Variants in FAM135A observed in about 807,000 individuals in gnomAD.
The protein encoded by FAM135A is protein FAM135A.
In FAM135A, 79 loss-of-function variants were observed where a neutral mutation model predicts 146.8. The ratio of observed to expected loss-of-function variants is 0.54; its 90% CI spans 0.45 to 0.65. The LOEUF is 0.65. Ranked by LOEUF, FAM135A falls within the 30% of genes least tolerant of loss-of-function variation. The pLI, the probability that FAM135A is intolerant of heterozygous loss-of-function variation, is 0.00. For synonymous variants in FAM135A, 562 were observed against 603.6 expected (o/e 0.93, Z 1.01); for missense variants, 1,623 against 1,758.2 (o/e 0.92, Z 1.38).
At chr6:70,531,888 C>CT (rs869128532) in intron 16 of FAM135A, among the ~76,000 whole-genome samples, 4,077 of 85,694 alleles carry the variant, frequency 0.048, 212 homozygotes, top group Non-Finnish European at 0.062. Flanking sequence ...AAACTGATTT[C>CT]TTTTTTTTTT....
intron 11 of FAM135A, among the ~76,000 whole-genome samples, chr6:70,501,405 G>A (rs1788486143): frequency 6.6e-6 from 1 of 152,192 alleles, no homozygotes. Flanking sequence ...AGAATTTCAA[G>A]CCAGTGATTC....
At chr6:70,527,879 T>C (rs1196180429) in intron 15 of FAM135A, among the ~76,000 whole-genome samples, 1 of 152,150 alleles carries the variant, frequency 6.6e-6, no homozygotes, top group Non-Finnish European at 1.5e-5. Flanking sequence ...ACTCCTTCCC[T>C]TCCATTTATG....
chr6:70,501,374 C>T (rs1788474460), intron 11 of FAM135A, among the ~76,000 whole-genome samples: 1 of 152,240 alleles, frequency 6.6e-6, no homozygotes, highest in Admixed American at 6.5e-5. Flanking sequence ...CAGTCGGCTT[C>T]AGACTGCTGT....
At position 70,536,333 on chromosome 6, in the gene FAM135A, A is replaced by T. The variant is rs1447020629; in HGVS notation, c.4039A>T (p.Asn1347Tyr). Reference protein sequence around the residue: ...LTRPRFKYYLNKLHTFLSLSG... With the variant: ...LTRPRFKYYLYKLHTFLSLSG... ...AAGGCCAAGGTTTAAATATTACCTC[A>T]ACAAACTTCATACCTTTCTGTCTCT... Residue 1347 changes from asparagine (N) to tyrosine (Y), a missense_variant, in exon 19 of 22, where the codon AAC (asparagine) becomes TAC (tyrosine). This residue lies in a region of FAM135A where 1,061 missense variants were observed against 1,113.8 expected (regional missense o/e 0.95). Transcript: ENST00000418814. 8 of 1,613,506 alleles carry T rather than the reference A, an allele frequency of 5.0e-6. 1 individual carries two copies. In the South Asian group the frequency reaches 8.8e-5, roughly 18 times the overall value.
chr6:70,505,075 TA>T, intron 12 of FAM135A: 1 of 72 alleles, frequency 0.014, no homozygotes, highest in East Asian at 0.062. Context: ...TAGATACACA[TA>T]TATATATATA....
At chr6:70,445,453 C>A (rs1775493175) in intron 4 of FAM135A, among the ~76,000 whole-genome samples, 1 of 152,214 alleles carries the variant, frequency 6.6e-6, no homozygotes. Flanking sequence ...AATCAGGGAT[C>A]TCACAGCCTT....
At chr6:70,422,126 A>G (rs1485920446) in intron 2 of FAM135A, among the ~76,000 whole-genome samples, 2 of 152,190 alleles carry the variant, frequency 1.3e-5, no homozygotes, top group African/African-American at 4.8e-5. Flanking sequence ...TTTAGTTTTT[A>G]TAACTAGTTG....
chr6:70,421,530 A>G (rs1768853707), intron 2 of FAM135A, among the ~76,000 whole-genome samples: 1 of 152,136 alleles, frequency 6.6e-6, no homozygotes, highest in East Asian at 1.9e-4. Context: ...TGTTTACCCT[A>G]TCAGGTTTGA....
chr6:70,528,286 C>T lies in FAM135A; in HGVS notation c.3615-6C>T, dbSNP rs779297446. 1.9e-6 allele frequency: 3 copies of T among 1,601,090 alleles called. No homozygotes were observed. The highest frequency in any genetic ancestry group is 2.2e-5 in the East Asian group (1 of 44,660). The stretch of plus-strand genomic sequence containing the variant: ...AGTAAAGAGTATCTTTTGTATTTTG[C>T]TTCAGCTTCCTTCAGGCAAAAGAAG... On this transcript the variant is annotated splice_polypyrimidine_tract_variant and splice_region_variant and intron_variant, in intron 15 of 21. Transcript: ENST00000418814.
chr6:70,556,537 A>G (rs1053913944), intron 20 of FAM135A, among the ~76,000 whole-genome samples: 1 of 152,216 alleles, frequency 6.6e-6, no homozygotes, highest in African/African-American at 2.4e-5. Context: ...GCAAACACAC[A>G]TTCTTATATC....
At chr6:70,502,923 T>C (rs944590276) in intron 12 of FAM135A, 132 bp downstream of exon 12, 3 of 922,322 alleles carry the variant, frequency 3.3e-6, no homozygotes, top group East Asian at 2.6e-5. Flanking sequence ...CATATTGTTA[T>C]TGTTTGACTT....
At chr6:70,551,480 G>A (rs1247780493) in intron 20 of FAM135A, among the ~76,000 whole-genome samples, 3 of 152,052 alleles carry the variant, frequency 2.0e-5, no homozygotes, top group Non-Finnish European at 4.4e-5. Flanking sequence ...ATGTGCTGTC[G>A]CATACCTGTT....
intron 1 of FAM135A, chr6:70,414,027 C>T: frequency 4.1e-6 from 4 of 985,746 alleles, no homozygotes; most frequent in Non-Finnish European, 4.8e-6. Context: ...TGCCCTTCAC[C>T]CCTGCTCCAT....
chr6:70,452,788 A>G (rs575116874), intron 5 of FAM135A, among the ~76,000 whole-genome samples: 1 of 152,328 alleles, frequency 6.6e-6, no homozygotes, highest in Admixed American at 6.5e-5. Flanking sequence ...CAAAGAATGT[A>G]TATTAAAGTT....
intron 12 of FAM135A, among the ~76,000 whole-genome samples, chr6:70,510,160 T>G (rs1366895950): frequency 2.0e-5 from 3 of 151,524 alleles, no homozygotes; most frequent in Admixed American, 1.3e-4. Context: ...ATCAAAACGT[T>G]TATTGACAGC....
At chr6:70,534,273 T>G (rs1035411426) in intron 18 of FAM135A, among the ~76,000 whole-genome samples, 5 of 113,394 alleles carry the variant, frequency 4.4e-5, no homozygotes, top group African/African-American at 1.9e-4. Context: ...ATATGATATA[T>G]GTATATGAAG....
intron 5 of FAM135A, among the ~76,000 whole-genome samples, chr6:70,464,833 ATTTTTTTTTTTTTT>A (rs67408160): frequency 6.2e-5 from 4 of 64,322 alleles, no homozygotes; most frequent in African/African-American, 1.4e-4. Context: ...CGCCTGGCCA[ATTTTTTTTTTTTTT>A]TTTTTTTTTT....
rs1423616865 is a variant in FAM135A at position 70,526,748 on chromosome 6, TATACACACACACACACATACACAC to T, written c.3614+52_3614+75del. Reference sequence around the variant, plus strand: ...CTGCTGCTAAATATATACATATATATATACACACACACACACATACACACACACACACACACACACACACACACA... The same window carrying T: ...CTGCTGCTAAATATATACATATATATACACACACACACACACACACACACA... On this transcript the variant is annotated intron_variant, in intron 15 of 21. Coordinates refer to ENST00000418814, the MANE Select transcript of FAM135A (RefSeq NM_001162529.3). The T allele has an allele frequency of 1.6e-3, 1,802 of 1,093,162 alleles. 86 individuals carry two copies. The highest frequency in any genetic ancestry group is 3.9e-3 in the South Asian group (250 of 64,876). The allele number at this position is 1,093,162 out of a possible 1,614,324, so 67.7% of individuals were successfully genotyped here.
In FAM135A at chr6:70,525,363, C is replaced by A; in HGVS notation, c.2279C>A (p.Ala760Asp). The A allele has an allele frequency of 1.2e-6, 2 of 1,613,574 alleles. No homozygotes were observed. The highest frequency in any genetic ancestry group is 2.7e-5 in the African/African-American group (2 of 75,022). The change falls in exon 15 of 22, where the codon GCC becomes GAC. Residue 760 changes from alanine to aspartate, a missense_variant. Physicochemically the swap from Ala to Asp is moderately radical, Grantham distance 126 (BLOSUM62 -2). Coordinates refer to ENST00000418814, the MANE Select transcript of FAM135A (RefSeq NM_001162529.3). The part of the protein sequence containing the change: ...GDTIKLPDIS[A>D]TYASSRFSDS... Reference sequence around the variant, plus strand: ...ACAATTAAGTTACCAGATATTAGTGCCACATATGCCTCATCTAGATTTTCA... The same window carrying A: ...ACAATTAAGTTACCAGATATTAGTGACACATATGCCTCATCTAGATTTTCA...
Sources: allele counts gnomAD v4.1 joint callset (sites outside exome capture counted in the v4.1 genomes callset), GRCh38; gene constraint gnomAD v4.1.1; regional missense constraint gnomAD v4.1.1; transcripts MANE v1.5; gene names NCBI Gene and HGNC (gene_info 2026-07-23, HGNC 2026-07-21).